ENPP3: variants seen among roughly 807,000 people sequenced by gnomAD.
The protein encoded by ENPP3 is ectonucleotide pyrophosphatase/phosphodiesterase family member 3.
ENPP3 carries 104 observed loss-of-function variants against 117.8 expected under a neutral mutation model. The observed-to-expected ratio is 0.88, with a 90% CI of 0.75 to 1.04. The LOEUF (loss-of-function observed/expected upper bound fraction) is 1.04, where lower values mean the gene tolerates loss of function less well. ENPP3 is among the 50% of genes least tolerant of loss of function. The pLI is 0.00. For synonymous variants in ENPP3, 380 were observed against 349.9 expected, an observed-to-expected ratio of 1.09 and a Z score of -0.96; for missense variants, 1,026 against 1,051.9, an observed-to-expected ratio of 0.98 and a Z score of 0.34.
At chr6:131,652,495 T>G in intron 3 of ENPP3, 47 bp from the exon 4 acceptor site, 1 of 1,588,574 alleles carries the variant, frequency 6.3e-7, no homozygotes, top group Non-Finnish European at 8.6e-7. Flanking sequence ...TTGTATATTT[T>G]ATACTGCAGG....
intron 6 of ENPP3, among the ~76,000 whole-genome samples, chr6:131,670,144 C>G (rs1270510373): frequency 1.3e-5 from 2 of 152,182 alleles, no homozygotes; most frequent in South Asian, 4.1e-4. Context: ...GGAAACTTCC[C>G]TGGTCTAATG....
intron 8 of ENPP3, among the ~76,000 whole-genome samples, chr6:131,674,656 T>C (rs1778826144): frequency 6.6e-6 from 1 of 151,262 alleles, no homozygotes; most frequent in Admixed American, 6.6e-5. Context: ...TACTGTAACC[T>C]CTGCTTCTCA....
chr6:131,687,613 A>G (rs1171439893), intron 14 of ENPP3, among the ~76,000 whole-genome samples: 1 of 152,224 alleles, frequency 6.6e-6, no homozygotes, highest in Non-Finnish European at 1.5e-5. Context: ...ACAAAGGCCT[A>G]ATATCCAGAA....
At chr6:131,648,515 GTC>G (rs1301959199) in intron 2 of ENPP3, among the ~76,000 whole-genome samples, 1 of 151,906 alleles carries the variant, frequency 6.6e-6, no homozygotes, top group African/African-American at 2.4e-5. Context: ...ATTATATAAA[GTC>G]TCTACAATTA....
At position 131,717,535 on chromosome 6, in the gene ENPP3, A is replaced by G. The variant is rs79825463; in HGVS notation, c.1413-1137A>G. Among the ~76,000 whole-genome samples, 7 of 152,226 alleles carry G rather than the reference A, an allele frequency of 4.6e-5. No homozygotes were observed. The East Asian group carries it at 9.7e-4, about 21-fold the overall frequency. The stretch of plus-strand genomic sequence containing the variant: ...TGACTCAGTATAACATTGTTGCTTT[A>G]AAAGATCTAGGTTCATTTATCGCTA... On this transcript the variant is annotated intron_variant, in intron 15 of 24. Coordinates refer to ENST00000357639, the MANE Select transcript of ENPP3 (RefSeq NM_005021.5).
intron 7 of ENPP3, 144 bp downstream of exon 7, chr6:131,671,471 T>C: frequency 1.6e-6 from 1 of 635,580 alleles, no homozygotes; most frequent in South Asian, 1.9e-5. Context: ...ATTCAGGCTG[T>C]GAAGGAATGG....
rs536941258 is a variant in ENPP3, at chr6:131,639,404, C to T, written c.78+1942C>T. Among the ~76,000 whole-genome samples, 134 of 151,718 alleles carry T rather than the reference C, an allele frequency of 8.8e-4. 1 individual carries two copies. Among genetic ancestry groups the T allele is most frequent in the African/African-American group, 3.0e-3 (124 of 41,344 alleles). On this transcript the variant is annotated intron_variant, in intron 1 of 24. Coordinates refer to ENST00000357639, the MANE Select transcript of ENPP3 (RefSeq NM_005021.5). Reference sequence around the variant, plus strand: ...GGCTCAAATGATCTTCCCATCTCAGCCTCCCGAGTAGCTGGGACTTCAAGC... The same window carrying T: ...GGCTCAAATGATCTTCCCATCTCAGTCTCCCGAGTAGCTGGGACTTCAAGC...
intron 10 of ENPP3, 137 bp from the exon 11 acceptor site, chr6:131,677,731 G>A: frequency 1.7e-6 from 1 of 591,670 alleles, no homozygotes; most frequent in Non-Finnish European, 3.1e-6. Context: ...AGAACTACTG[G>A]GTCTGAACAA....
rs1778294885 is a variant in ENPP3, at chr6:131,652,883, C to A, written c.456C>A (p.Cys152Ter). ...GTGACACAGCCCAGCAGTCTCAGTG[C>A]CCAGAAGGGTGAGCATGACTGATAC... The part of the protein sequence containing the change: ...ENCDTAQQSQ[C>*]PEGFDLPPVI... Residue 152 changes from cysteine (C) to a stop codon, truncating the protein, a stop_gained, in exon 5 of 25, where the codon TGC becomes TGA. Coordinates refer to ENST00000357639, the MANE Select transcript of ENPP3 (RefSeq NM_005021.5). LOFTEE classifies it high-confidence loss of function. 1 of 1,609,082 alleles carries A rather than the reference C, an allele frequency of 6.2e-7. No individual in the cohort carries two copies. Among genetic ancestry groups the A allele is most frequent in the Non-Finnish European group, 8.5e-7 (1 of 1,175,480 alleles).
At chr6:131,671,424 C>A in intron 7 of ENPP3, 97 bp downstream of exon 7, 3 of 755,568 alleles carry the variant, frequency 4.0e-6, no homozygotes, top group Non-Finnish European at 4.6e-6. Context: ...CTGTGACTTA[C>A]CCTTCTGAAG....
chr6:131,696,465 G>A (rs1779407476), intron 15 of ENPP3, among the ~76,000 whole-genome samples: 1 of 152,190 alleles, frequency 6.6e-6, no homozygotes, highest in Admixed American at 6.5e-5. Context: ...GTTGCTGATC[G>A]GGGTTTGGAA....
chr6:131,649,470 G>A (rs750015590), intron 2 of ENPP3, among the ~76,000 whole-genome samples: 10 of 152,036 alleles, frequency 6.6e-5, no homozygotes, highest in Non-Finnish European at 1.3e-4. Flanking sequence ...CCTTTCCCAA[G>A]ACTCAATGGT....
chr6:131,646,743 G>C (rs1250024818), intron 2 of ENPP3, among the ~76,000 whole-genome samples: 4 of 105,558 alleles, frequency 3.8e-5, no homozygotes, highest in Admixed American at 2.9e-4. Flanking sequence ...AAAGCTCTTG[G>C]CTTTTTTTTT....
intron 10 of ENPP3, among the ~76,000 whole-genome samples, chr6:131,677,364 G>A (rs1325384915): frequency 6.6e-6 from 1 of 152,206 alleles, no homozygotes; most frequent in Admixed American, 6.5e-5. Context: ...ACCAGAGCCA[G>A]ATATGGAATG....
At chr6:131,681,901 G>A (rs1006539829) in intron 11 of ENPP3, among the ~76,000 whole-genome samples, 26 of 152,132 alleles carry the variant, frequency 1.7e-4, no homozygotes, top group East Asian at 5.8e-4. Flanking sequence ...GTGAAGTGGT[G>A]CAATCTTGGC....
Position 131,678,005 on chromosome 6 carries a change from C to T in ENPP3, c.1011+65C>T, listed in dbSNP as rs949762228. 4 of 943,820 alleles carry T rather than the reference C, an allele frequency of 4.2e-6. No individual in the cohort carries two copies. In the African/African-American group the frequency reaches 5.0e-5, roughly 12 times the overall value. The allele number at this position is 943,820 out of a possible 1,614,324, so 58.5% of individuals were successfully genotyped here. On this transcript the variant is annotated intron_variant, in intron 11 of 24. Coordinates refer to ENST00000357639, the MANE Select transcript of ENPP3 (RefSeq NM_005021.5). Reference sequence around the variant, plus strand: ...AATCATCTAACCCTAACCCACAAAACAAGATAGTATTCTTTAACTTCTACT... The same window carrying T: ...AATCATCTAACCCTAACCCACAAAATAAGATAGTATTCTTTAACTTCTACT...
At chr6:131,648,404 G>A (rs1476518414) in intron 2 of ENPP3, among the ~76,000 whole-genome samples, 3 of 151,756 alleles carry the variant, frequency 2.0e-5, no homozygotes, top group Admixed American at 1.3e-4. Flanking sequence ...TATGTTGTGA[G>A]GCAAGAATAT....
intron 11 of ENPP3, among the ~76,000 whole-genome samples, chr6:131,682,196 A>G (rs1779036548): frequency 6.6e-6 from 1 of 152,018 alleles, no homozygotes. Context: ...ATGTGTCATC[A>G]TTTACTTTTC....
At chr6:131,662,550 T>G (rs997186624) in intron 6 of ENPP3, among the ~76,000 whole-genome samples, 4 of 152,204 alleles carry the variant, frequency 2.6e-5, no homozygotes, top group Non-Finnish European at 5.9e-5. Flanking sequence ...TCCCTATTCT[T>G]TTTCATTGGT....
Sources: gnomAD v4.1 joint callset for allele counts (sites outside exome capture counted in the v4.1 genomes callset) on GRCh38, gnomAD v4.1.1 for gene constraint, MANE v1.5 for transcripts, NCBI Gene and HGNC (gene_info 2026-07-23, HGNC 2026-07-21) for gene names.